ADAMTS17: variants seen among roughly 807,000 people sequenced by gnomAD.
The protein encoded by ADAMTS17 is A disintegrin and metalloproteinase with thrombospondin motifs 17.
ADAMTS17 carries 113 observed loss-of-function variants against 141.5 expected under a neutral mutation model. The ratio of observed to expected loss-of-function variants is 0.80; its 90% CI spans 0.69 to 0.93. The LOEUF is 0.93. ADAMTS17 is among the 40% of genes least tolerant of loss of function. The probability of loss-of-function intolerance (pLI) is 0.00; values close to 1 mark genes in which losing one functional copy is unlikely to be tolerated. For missense variants in ADAMTS17, 1,659 were observed against 1,517.9 expected, an observed-to-expected ratio of 1.09 and a Z score of -1.54; for synonymous variants, 768 against 630.6, an observed-to-expected ratio of 1.22 and a Z score of -3.27.
chr15:100,253,982 A>C (rs1030825488), intron 7 of ADAMTS17, among the ~76,000 whole-genome samples, 154 bp downstream of exon 7: 1 of 152,168 alleles, frequency 6.6e-6, no homozygotes, highest in Non-Finnish European at 1.5e-5. Flanking sequence ...TCAGGAAAAT[A>C]AAAAAAGGAA....
intron 16 of ADAMTS17, 117 bp downstream of exon 16, chr15:100,053,780 G>A (rs2032327661): frequency 6.7e-7 from 1 of 1,499,406 alleles, no homozygotes; most frequent in Admixed American, 1.7e-5. Flanking sequence ...ATAAACCCCT[G>A]GAAGCCAGAT....
chr15:99,976,866 C>T (rs1029231236), intron 20 of ADAMTS17, among the ~76,000 whole-genome samples: 1 of 152,222 alleles, frequency 6.6e-6, no homozygotes, highest in Non-Finnish European at 1.5e-5. Flanking sequence ...GATGTTAAGA[C>T]AACAGCTGAA....
chr15:100,132,449 G>C (rs563890564), intron 11 of ADAMTS17, among the ~76,000 whole-genome samples: 6 of 152,156 alleles, frequency 3.9e-5, no homozygotes, highest in Non-Finnish European at 8.8e-5. Flanking sequence ...GAAGAGACCT[G>C]GGCTTCTGCA....
chr15:100,221,225 A>G (rs766976760), intron 7 of ADAMTS17, among the ~76,000 whole-genome samples: 1 of 152,150 alleles, frequency 6.6e-6, no homozygotes, highest in Non-Finnish European at 1.5e-5. Context: ...TGAAATACAC[A>G]AAAATATGCT....
chr15:100,023,789 A>C (rs2061449249), intron 18 of ADAMTS17, among the ~76,000 whole-genome samples: 1 of 152,252 alleles, frequency 6.6e-6, no homozygotes, highest in East Asian at 1.9e-4. Flanking sequence ...CCTGGAGCTT[A>C]CAAAAATGAT....
chr15:100,077,375 T>C (rs907112347), intron 15 of ADAMTS17, among the ~76,000 whole-genome samples: 4 of 142,280 alleles, frequency 2.8e-5, no homozygotes, highest in Non-Finnish European at 4.5e-5. Context: ...GGCACGAGAA[T>C]CGCTTGAACC....
chr15:100,322,648 T>C (rs1306618598), intron 3 of ADAMTS17, among the ~76,000 whole-genome samples: 2 of 152,196 alleles, frequency 1.3e-5, no homozygotes, highest in African/African-American at 4.8e-5. Context: ...GACAAGAATT[T>C]TGAAGCAATT....
intron 7 of ADAMTS17, among the ~76,000 whole-genome samples, chr15:100,219,030 TGATACAGGTTAA>T (rs1186857492): frequency 1.3e-5 from 2 of 152,184 alleles, no homozygotes; most frequent in Admixed American, 1.3e-4. Flanking sequence ...TATGATGTTC[TGATACAGGTTAA>T]AGCGTAGATG....
intron 15 of ADAMTS17, among the ~76,000 whole-genome samples, chr15:100,058,302 TAACACCCC>T (rs2032802938): frequency 6.6e-5 from 1 of 15,046 alleles, no homozygotes; most frequent in Non-Finnish European, 1.8e-4. Context: ...ATCCCGGCTC[TAACACCCC>T]TATCCCGGCT....
chr15:100,162,433 T>C (rs61331488), intron 8 of ADAMTS17, among the ~76,000 whole-genome samples: 4 of 142,986 alleles, frequency 2.8e-5, no homozygotes, highest in African/African-American at 7.8e-5. Flanking sequence ...TATATAGTTA[T>C]ATATACACAT....
Position 100,261,508 on chromosome 15 carries a change from G to C in ADAMTS17, c.1002C>G (p.Pro334=), listed in dbSNP as rs138012161. The C allele has an allele frequency of 3.1e-6, 5 of 1,614,040 alleles. No individual in the cohort carries two copies. The African/African-American group carries it at 5.3e-5, about 17-fold the overall frequency. ...TCACAAACACGGCAGCATCCACCAG[G>C]GGCGGGTCGTCCTTCCCGCCGGGAA... ...NQVPGGKDDP[P]LVDAAVFVTR... is the part of the protein sequence containing the mutation. The change falls in exon 6 of 22, where the codon CCC becomes CCG. Residue 334 remains proline (P), a synonymous_variant. Transcript: ENST00000268070.
chr15:100,212,435 C>T (rs927953674), intron 7 of ADAMTS17, among the ~76,000 whole-genome samples: 8 of 152,190 alleles, frequency 5.3e-5, no homozygotes, highest in African/African-American at 1.9e-4. Context: ...GGCTCACGTA[C>T]AGATGTCTTT....
chr15:100,126,755 C>G (rs2037755333), intron 12 of ADAMTS17, among the ~76,000 whole-genome samples: 1 of 152,188 alleles, frequency 6.6e-6, no homozygotes, highest in African/African-American at 2.4e-5. Context: ...GGCAGGAAGG[C>G]AGTCAGCACA....
intron 20 of ADAMTS17, among the ~76,000 whole-genome samples, chr15:99,990,505 G>C (rs1352958467): frequency 6.6e-6 from 1 of 152,188 alleles, no homozygotes; most frequent in East Asian, 1.9e-4. Context: ...GCCTTGGTCA[G>C]ATGTTTTGAC....
At chr15:100,051,084 C>A (rs552330485) in intron 17 of ADAMTS17, among the ~76,000 whole-genome samples, 1 of 152,302 alleles carries the variant, frequency 6.6e-6, no homozygotes, top group East Asian at 1.9e-4. Context: ...TGAGGTCAAG[C>A]AGGAAGTTGT....
chr15:100,051,716 C>T lies in ADAMTS17; in HGVS notation c.2311G>A (p.Asp771Asn), dbSNP rs374036717. The T allele has an allele frequency of 9.9e-6, 16 of 1,614,060 alleles. No homozygotes were observed. The African/African-American group carries it at 1.5e-4, about 15-fold the overall frequency. The part of the protein sequence containing the change: ...PLHLMVLLFH[D>N]QDYGIHYEYT... ...TCATAATGAATTCCATAATCTTGGT[C>T]GTGAAATAACAACACCTGGATCAGC... Residue 771 changes from aspartate (D) to asparagine (N), a missense_variant, in exon 17 of 22, where the codon GAC becomes AAC. Physicochemically the swap from Asp to Asn is conservative, Grantham distance 23 (BLOSUM62 1). Transcript: ENST00000268070.
chr15:100,282,062 T>TA (rs2044303651), intron 3 of ADAMTS17, among the ~76,000 whole-genome samples: 1 of 152,174 alleles, frequency 6.6e-6, no homozygotes, highest in Admixed American at 6.5e-5. Flanking sequence ...TATATCCCTG[T>TA]AAAATCTTAC....
At chr15:100,182,446 A>G (rs2040557754) in intron 8 of ADAMTS17, among the ~76,000 whole-genome samples, 2 of 152,154 alleles carry the variant, frequency 1.3e-5, no homozygotes, top group Admixed American at 6.5e-5. Flanking sequence ...ATAGGGCAGC[A>G]TTGAGTTAAA....
At chr15:100,112,390 C>A (rs1316673211) in intron 13 of ADAMTS17, among the ~76,000 whole-genome samples, 1 of 152,094 alleles carries the variant, frequency 6.6e-6, no homozygotes, top group Non-Finnish European at 1.5e-5. Context: ...GTCCGTCTCC[C>A]CTTTGAGGCC....
Sources: allele counts gnomAD v4.1 joint callset (sites outside exome capture counted in the v4.1 genomes callset), GRCh38; gene constraint gnomAD v4.1.1; transcripts MANE v1.5; gene names NCBI Gene and HGNC (gene_info 2026-07-23, HGNC 2026-07-21).